The following DCAF1 variants were observed in gnomAD, a reference collection of about 807,000 sequenced individuals.
The protein encoded by DCAF1 is DDB1 and CUL4 associated factor 1.
DCAF1 carries 15 observed loss-of-function variants against 128.0 expected under a neutral mutation model. The ratio of observed to expected loss-of-function variants is 0.12; its 90% CI spans 0.08 to 0.18. DCAF1 has a LOEUF of 0.18. DCAF1 is among the 10% of genes least tolerant of loss of function. DCAF1 has a pLI of 1.00. For missense variants in DCAF1, 988 were observed against 1,649.5 expected, an observed-to-expected ratio of 0.60 and a Z score of 6.95; for synonymous variants, 610 against 603.0, an observed-to-expected ratio of 1.01 and a Z score of -0.17.
Position 51,444,970 on chromosome 3 carries a change from C to T in DCAF1, c.376-1067G>A, listed in dbSNP as rs528203835. Among the ~76,000 whole-genome samples the T allele has an allele frequency of 2.3e-3, 350 of 152,026 alleles. 3 individuals are homozygous for T. The highest frequency in any genetic ancestry group is 7.7e-3 in the African/African-American group (321 of 41,480). ...GATTACAGGCATGAGCCACCATGCC[C>T]GGCCCCCAAACTTATTTTTAATTAC... On this transcript the variant is annotated intron_variant, in intron 6 of 24. Transcript: ENST00000684031.
chr3:51,445,801 C>T (rs1041595666), intron 6 of DCAF1, among the ~76,000 whole-genome samples: 3 of 152,070 alleles, frequency 2.0e-5, no homozygotes, highest in Admixed American at 6.6e-5. Flanking sequence ...AGTCCTCTTC[C>T]TTTTTCCACA....
At chr3:51,405,056 T>A (rs1449687984) in intron 23 of DCAF1, among the ~76,000 whole-genome samples, 2 of 152,202 alleles carry the variant, frequency 1.3e-5, no homozygotes, top group East Asian at 3.8e-4. Context: ...TTTCATAGAC[T>A]TGACCAAAAT....
In DCAF1 at chr3:51,416,774, C is replaced by CT. The variant is rs782024222; in HGVS notation, c.3603+12dup. On this transcript the variant is annotated intron_variant, in intron 18 of 24. Coordinates refer to ENST00000684031, the MANE Select transcript of DCAF1 (RefSeq NM_001387579.1). ...TATGATCAGCTTGAAAACAGTGGTT[C>CT]TTAAGTACTTACGTGGGCAATGTCT... 3 of 1,604,020 alleles carry CT rather than the reference C, an allele frequency of 1.9e-6. No homozygotes were observed. The Admixed American group carries it at 5.1e-5, about 27-fold the overall frequency.
rs1699125182 is a variant in DCAF1, at chr3:51,418,760, T to G, written c.3353A>C (p.Lys1118Thr). The change falls in exon 16 of 25, where the codon AAG becomes ACG. Residue 1118 changes from lysine to threonine, a missense_variant. By Grantham distance (78) the Lys-to-Thr change is moderately conservative (BLOSUM62 -1). This residue lies in a region of DCAF1 where 105 missense variants were observed against 266.7 expected (regional missense o/e 0.39). Transcript: ENST00000684031. The part of the protein sequence containing the change: ...LMLGTCTGQL[K>T]LYNVFSGQEE... ...CTGTCCACTAAACACATTATAGAGC[T>G]TCAGCTGCCCTGTGCAGGTGCCAAG... 2.5e-6 allele frequency: 4 copies of G among 1,613,986 alleles called. No individual in the cohort carries two copies. Among genetic ancestry groups the G allele is most frequent in the Admixed American group, 1.7e-5 (1 of 60,018 alleles).
At chr3:51,408,381 T>TGA (rs1173700470) in intron 23 of DCAF1, among the ~76,000 whole-genome samples, 2 of 152,220 alleles carry the variant, frequency 1.3e-5, no homozygotes, top group African/African-American at 4.8e-5. Context: ...CACAGGTGCC[T>TGA]GTATCCCTGA....
upstream of DCAF1, among the ~76,000 whole-genome samples, chr3:51,502,675 G>A (rs1051265635): frequency 5.6e-4 from 85 of 151,976 alleles, no homozygotes; most frequent in African/African-American, 2.0e-3. Flanking sequence ...TAGGAGGCAG[G>A]GGAAGCAGGG....
intron 9 of DCAF1, among the ~76,000 whole-genome samples, chr3:51,433,549 C>T (rs1253707736): frequency 5.9e-5 from 9 of 151,636 alleles, no homozygotes; most frequent in African/African-American, 2.2e-4. Flanking sequence ...GCAACCTCCG[C>T]CTCCCAGGTG....
chr3:51,473,014 T>C (rs1704940589), intron 3 of DCAF1, among the ~76,000 whole-genome samples: 2 of 150,358 alleles, frequency 1.3e-5, no homozygotes, highest in Non-Finnish European at 3.0e-5. Flanking sequence ...CAGTGGCTCA[T>C]GCCTGTAATC....
chr3:51,465,357 C>T (rs1258023299), intron 5 of DCAF1, among the ~76,000 whole-genome samples: 2 of 152,074 alleles, frequency 1.3e-5, no homozygotes, highest in Admixed American at 6.6e-5. Context: ...ATGGGAGACA[C>T]CCAGAAGGAA....
At chr3:51,428,327 T>A (rs1267198407) in intron 12 of DCAF1, among the ~76,000 whole-genome samples, 1 of 123,184 alleles carries the variant, frequency 8.1e-6, no homozygotes, top group African/African-American at 3.1e-5. Flanking sequence ...TGTACCACCA[T>A]GCCCTTTTTT....
intron 4 of DCAF1, among the ~76,000 whole-genome samples, chr3:51,470,683 C>T (rs560322918): frequency 1.3e-5 from 2 of 152,242 alleles, no homozygotes; most frequent in Non-Finnish European, 2.9e-5. Context: ...ATGTGATATT[C>T]GATTGGCAAA....
chr3:51,420,396 A>G lies in DCAF1; in HGVS notation c.2574T>C (p.Leu858=), dbSNP rs1553632108. The G allele has an allele frequency of 1.2e-6, 2 of 1,613,928 alleles. No individual in the cohort carries two copies. Among genetic ancestry groups the G allele is most frequent in the South Asian group, 1.1e-5 (1 of 91,086 alleles). The change falls in exon 15 of 25, where the codon CTT becomes CTC. Residue 858 remains leucine (L), a synonymous_variant. Transcript: ENST00000684031. This position sits in a 1 kb window ranked among gnomAD's most constrained non-coding sequence, Gnocchi z 6.5. ...KELLLLIRNH[L]ISKGLGETAT... is the part of the protein sequence containing the mutation. ...CTGTTTCTCCAAGCCCTTTAGAAAT[A>G]AGATGGTTTCGTATCAACAAAAGCA...
intron 6 of DCAF1, among the ~76,000 whole-genome samples, chr3:51,451,810 G>A (rs1192251160): frequency 6.7e-6 from 1 of 150,022 alleles, no homozygotes; most frequent in African/African-American, 2.4e-5. Context: ...ATCTCTGAAA[G>A]TAAAAGTCAA....
chr3:51,406,299 C>A (rs1473146106), intron 23 of DCAF1, among the ~76,000 whole-genome samples: 1 of 138,642 alleles, frequency 7.2e-6, no homozygotes, highest in African/African-American at 2.7e-5. Flanking sequence ...GCCGAGATCG[C>A]GCCACTGCAC....
chr3:51,430,625 A>T (rs1157503707), intron 10 of DCAF1, among the ~76,000 whole-genome samples: 1 of 152,158 alleles, frequency 6.6e-6, no homozygotes, highest in African/African-American at 2.4e-5. Flanking sequence ...TAATTCACAC[A>T]CATTTTGATG....
At chr3:51,413,695 C>T (rs1449065432) in intron 20 of DCAF1, among the ~76,000 whole-genome samples, 1 of 152,228 alleles carries the variant, frequency 6.6e-6, no homozygotes, top group East Asian at 1.9e-4. Flanking sequence ...TAATGATACA[C>T]TGGAAAATAC....
At chr3:51,493,854 G>A (rs981230372) in intron 2 of DCAF1, among the ~76,000 whole-genome samples, 4 of 151,636 alleles carry the variant, frequency 2.6e-5, no homozygotes, top group South Asian at 2.1e-4. Flanking sequence ...AAAATTAGCC[G>A]GGCGTGGTGG....
intron 10 of DCAF1, among the ~76,000 whole-genome samples, chr3:51,430,438 A>G (rs1348617900): frequency 6.6e-6 from 1 of 152,196 alleles, no homozygotes; most frequent in African/African-American, 2.4e-5. Context: ...AATACAACCT[A>G]TACTTACTGA....
chr3:51,439,442 AT>A (rs1191716094), intron 9 of DCAF1, among the ~76,000 whole-genome samples: 18 of 128,374 alleles, frequency 1.4e-4, no homozygotes, highest in Non-Finnish European at 1.3e-4. Flanking sequence ...TGCTATTTCT[AT>A]TTTTTTTTTT....
Sources: gnomAD v4.1 joint callset for allele counts (sites outside exome capture counted in the v4.1 genomes callset) on GRCh38, gnomAD v4.1.1 for gene constraint, gnomAD v4.1.1 regional missense constraint, Gnocchi (gnomAD v3.1) non-coding constraint, MANE v1.5 for transcripts, NCBI Gene and HGNC (gene_info 2026-07-23, HGNC 2026-07-21) for gene names.